The following ADK variants were observed in gnomAD, a reference collection of about 807,000 sequenced individuals.
ADK encodes the protein adenosine kinase.
In ADK, 24 loss-of-function variants were observed where a neutral mutation model predicts 44.7. That is an observed-to-expected ratio of 0.54 (90% CI 0.39 to 0.76). The LOEUF (loss-of-function observed/expected upper bound fraction) is 0.76, where lower values mean the gene tolerates loss of function less well. ADK is among the 30% of genes least tolerant of loss of function. ADK has a pLI of 0.00. For missense variants in ADK, 321 were observed against 425.1 expected, an observed-to-expected ratio of 0.76 and a Z score of 2.15; for synonymous variants, 128 against 142.6, an observed-to-expected ratio of 0.90 and a Z score of 0.73.
chr10:74,659,573 C>T (rs1854618777), intron 9 of ADK, among the ~76,000 whole-genome samples: 2 of 152,118 alleles, frequency 1.3e-5, no homozygotes, highest in Non-Finnish European at 2.9e-5. Flanking sequence ...AGTCAGGATT[C>T]TCTAGAGGGA....
chr10:74,360,929 A>G (rs1295009307), intron 4 of ADK, among the ~76,000 whole-genome samples: 6 of 152,140 alleles, frequency 3.9e-5, no homozygotes, highest in Admixed American at 3.9e-4. Context: ...TTTATTTGAG[A>G]TGGAGCCTCA....
At chr10:74,541,797 C>CCT (rs1554878469) in intron 7 of ADK, among the ~76,000 whole-genome samples, 3 of 125,006 alleles carry the variant, frequency 2.4e-5, no homozygotes, top group Admixed American at 7.8e-5. Flanking sequence ...CCCACACACC[C>CCT]CCCCCCCCTA....
At chr10:74,173,793 C>CAA (rs1012659126) in intron 1 of ADK, among the ~76,000 whole-genome samples, 2 of 152,226 alleles carry the variant, frequency 1.3e-5, no homozygotes, top group Admixed American at 6.5e-5. Flanking sequence ...TAAGCATGAG[C>CAA]AAAAGTGCAT....
chr10:74,666,615 A>G (rs1854964314), intron 9 of ADK, among the ~76,000 whole-genome samples: 1 of 152,076 alleles, frequency 6.6e-6, no homozygotes, highest in Admixed American at 6.6e-5. Context: ...AGTTTTTACT[A>G]ATTGTTCCCA....
chr10:74,226,371 T>C (rs1844541826), intron 3 of ADK, among the ~76,000 whole-genome samples: 1 of 152,222 alleles, frequency 6.6e-6, no homozygotes, highest in African/African-American at 2.4e-5. Flanking sequence ...CCTCCCAAAG[T>C]GCTGGGATTA....
At chr10:74,574,645 T>C (rs528455492) in intron 7 of ADK, among the ~76,000 whole-genome samples, 1 of 152,362 alleles carries the variant, frequency 6.6e-6, no homozygotes, top group South Asian at 2.1e-4. Flanking sequence ...TCCCTGATTT[T>C]GTTTGATATT....
intron 3 of ADK, among the ~76,000 whole-genome samples, chr10:74,255,319 C>T (rs182300082): frequency 2.5e-4 from 38 of 152,198 alleles, no homozygotes; most frequent in African/African-American, 9.2e-4. Context: ...TCAGTTGGCA[C>T]CAGGTGGTCT....
chr10:74,200,935 A>G, intron 2 of ADK, 97 bp downstream of exon 2: 1 of 842,768 alleles, frequency 1.2e-6, no homozygotes, highest in Non-Finnish European at 2.0e-6. Context: ...AATGTCTTCA[A>G]TTAAAGGAAA....
At chr10:74,600,281 T>C (rs898919235) in intron 8 of ADK, 98 bp from the exon 9 acceptor site, 2 of 753,918 alleles carry the variant, frequency 2.7e-6, no homozygotes, top group Non-Finnish European at 4.6e-6. Flanking sequence ...TATGCAGGTC[T>C]CTTATTTTGA....
chr10:74,314,752 T>A lies in ADK; in HGVS notation c.273+7T>A, dbSNP rs1399420375. ...TTCAATTAAAGTGGCTCAGGTTGGTTAATTATTTTAAAAGTTAAAAGGATT... is the reference window on the plus strand; with the variant it reads ...TTCAATTAAAGTGGCTCAGGTTGGTAAATTATTTTAAAAGTTAAAAGGATT... On this transcript the variant is annotated splice_region_variant and intron_variant, in intron 4 of 10. Transcript: ENST00000539909. The A allele has an allele frequency of 1.3e-6, 2 of 1,592,498 alleles. No individual in the cohort carries two copies. Among genetic ancestry groups the A allele is most frequent in the African/African-American group, 2.7e-5 (2 of 74,470 alleles).
At chr10:74,445,834 A>G (rs1845570443) in intron 6 of ADK, among the ~76,000 whole-genome samples, 1 of 152,100 alleles carries the variant, frequency 6.6e-6, no homozygotes, top group African/African-American at 2.4e-5. Context: ...TGAAACAGTT[A>G]TAACTGTTTT....
At chr10:74,248,367 G>T (rs1845511677) in intron 3 of ADK, among the ~76,000 whole-genome samples, 1 of 151,898 alleles carries the variant, frequency 6.6e-6, no homozygotes, top group South Asian at 2.1e-4. Flanking sequence ...CTTTCAGATT[G>T]CTTTTTTTTT....
intron 6 of ADK, among the ~76,000 whole-genome samples, chr10:74,406,984 C>CTTT (rs750726079): frequency 2.4e-5 from 3 of 124,566 alleles, no homozygotes; most frequent in Non-Finnish European, 5.2e-5. Flanking sequence ...TGGCCTCTTT[C>CTTT]TTTTTTTTTT....
intron 4 of ADK, among the ~76,000 whole-genome samples, chr10:74,364,211 G>A (rs1842428503): frequency 6.6e-6 from 1 of 151,766 alleles, no homozygotes; most frequent in Non-Finnish European, 1.5e-5. Flanking sequence ...TTCTTCTCAT[G>A]CCTTGAGTCT....
chr10:74,160,683 A>G (rs1438407559), intron 1 of ADK, among the ~76,000 whole-genome samples: 1 of 142,842 alleles, frequency 7.0e-6, no homozygotes, highest in East Asian at 2.0e-4. Flanking sequence ...GCGTGCATGC[A>G]GGTAGGGGTG....
intron 3 of ADK, among the ~76,000 whole-genome samples, chr10:74,292,096 TC>T (rs1847464073): frequency 6.6e-6 from 1 of 152,158 alleles, no homozygotes; most frequent in East Asian, 1.9e-4. Flanking sequence ...AACATCTCTC[TC>T]CCTCTCTACT....
intron 3 of ADK, among the ~76,000 whole-genome samples, chr10:74,249,789 G>A (rs940014264): frequency 6.6e-5 from 10 of 152,066 alleles, no homozygotes; most frequent in Non-Finnish European, 1.0e-4. Flanking sequence ...CCTGTCATAC[G>A]CAAATTACCA....
At chr10:74,257,795 C>A (rs529281646) in intron 3 of ADK, among the ~76,000 whole-genome samples, 13 of 152,186 alleles carry the variant, frequency 8.5e-5, no homozygotes, top group Non-Finnish European at 1.6e-4. Context: ...GTAACTTGTA[C>A]TGTAAATAAA....
intron 3 of ADK, among the ~76,000 whole-genome samples, chr10:74,314,092 T>G (rs1840537447): frequency 6.6e-6 from 1 of 152,092 alleles, no homozygotes; most frequent in Non-Finnish European, 1.5e-5. Context: ...ATACTTTTGT[T>G]TATTTTTATA....
Sources: allele counts gnomAD v4.1 joint callset (sites outside exome capture counted in the v4.1 genomes callset), GRCh38; gene constraint gnomAD v4.1.1; transcripts MANE v1.5; gene names NCBI Gene and HGNC (gene_info 2026-07-23, HGNC 2026-07-21).